Variants in LRRC56 observed in about 807,000 individuals in gnomAD.
LRRC56 encodes the protein leucine-rich repeat-containing protein 56.
Under a neutral mutation model 47.8 loss-of-function variants are expected in LRRC56, and 41 were observed. The ratio of observed to expected loss-of-function variants is 0.86; its 90% CI spans 0.67 to 1.11. The LOEUF (loss-of-function observed/expected upper bound fraction) is 1.11, where lower values mean the gene tolerates loss of function less well. Ranked by LOEUF, LRRC56 falls within the 50% of genes most tolerant of loss-of-function variation. The pLI, the probability that LRRC56 is intolerant of heterozygous loss-of-function variation, is 0.00. For synonymous variants in LRRC56, 387 were observed against 311.2 expected (o/e 1.24, Z -2.56); for missense variants, 759 against 704.2 (o/e 1.08, Z -0.88).
chr11:516,426 A>C, the LRRC56 span, among the ~76,000 whole-genome samples: 1 of 151,832 alleles, frequency 6.6e-6, no homozygotes, highest in Admixed American at 6.6e-5. Context: ...GAAGCCAGGC[A>C]TAGAATGCCC....
the LRRC56 span, among the ~76,000 whole-genome samples, chr11:517,816 C>G: frequency 6.6e-6 from 1 of 152,238 alleles, no homozygotes; most frequent in Non-Finnish European, 1.5e-5. Flanking sequence ...CCGTTTTGTT[C>G]TGTACTAAGA....
upstream of LRRC56, chr11:533,646 G>T (rs45467697): frequency 6.2e-7 from 1 of 1,613,356 alleles, no homozygotes; most frequent in African/African-American, 1.3e-5. Flanking sequence ...GGCTACGGGG[G>T]CTGCAGGCGC....
chr11:551,355 A>G, intron 9 of LRRC56, 53 bp downstream of exon 9: 7 of 1,212,534 alleles, frequency 5.8e-6, no homozygotes, highest in Non-Finnish European at 8.0e-6. Flanking sequence ...TCCCCCCAGG[A>G]AGAGGCCCCC....
upstream of LRRC56, chr11:532,783 G>A (rs1851186265): frequency 1.2e-6 from 2 of 1,609,550 alleles, no homozygotes; most frequent in South Asian, 1.1e-5. Flanking sequence ...GGATCAGGAG[G>A]GACCGGCCTG....
upstream of LRRC56, chr11:533,232 C>G: frequency 6.7e-7 from 1 of 1,491,080 alleles, no homozygotes. Flanking sequence ...AGCCCAGACC[C>G]CGGCCCTCGC....
the LRRC56 span, chr11:532,313 G>A: frequency 2.0e-6 from 1 of 499,576 alleles, no homozygotes. Context: ...TGGGAGGGGA[G>A]CTAAGGGCTG....
chr11:533,434 G>T, upstream of LRRC56: 1 of 1,612,212 alleles, frequency 6.2e-7, no homozygotes. Context: ...GCTAGCTGTG[G>T]GGTGGAGAGC....
chr11:546,721 G>A (rs1297136530), intron 6 of LRRC56, among the ~76,000 whole-genome samples: 5 of 152,204 alleles, frequency 3.3e-5, no homozygotes, highest in Non-Finnish European at 2.9e-5. Context: ...CACCGCGAAC[G>A]AGAAACTAGG....
chr11:517,525 G>A, the LRRC56 span, among the ~76,000 whole-genome samples: 6 of 148,390 alleles, frequency 4.0e-5, no homozygotes, highest in Non-Finnish European at 7.4e-5. Flanking sequence ...GCCTCTGCCC[G>A]ACTGCCCCGT....
rs141233105 is a variant in LRRC56 at position 551,717 on chromosome 11, G to A, written c.863G>A (p.Arg288Gln). 479 of 1,611,098 alleles carry A rather than the reference G, an allele frequency of 3.0e-4. 3 individuals carry two copies. Among genetic ancestry groups the A allele is most frequent in the South Asian group, 2.7e-3 (248 of 90,900 alleles). The change falls in exon 10 of 14, where the codon CGG becomes CAG. Residue 288 changes from arginine to glutamine, a missense_variant. By Grantham distance (43) the Arg-to-Gln change is conservative. Coordinates refer to ENST00000270115, the MANE Select transcript of LRRC56 (RefSeq NM_198075.4). ...PELSLPETQS[R>Q]ASRPWPFSLL... ...CTGTCCCTGCCTGAGACGCAGTCCC[G>A]GGCCTCCAGGCCCTGGCCCTTCTCC... is the stretch of plus-strand genomic sequence containing the variant.
the LRRC56 span, among the ~76,000 whole-genome samples, chr11:531,670 G>GT: frequency 6.6e-6 from 1 of 152,190 alleles, no homozygotes. Flanking sequence ...CAGGAGGCAG[G>GT]GATGGCCAGG....
chr11:520,529 G>T, the LRRC56 span, among the ~76,000 whole-genome samples: 1 of 152,084 alleles, frequency 6.6e-6, no homozygotes, highest in African/African-American at 2.4e-5. Context: ...ATGTTGGCCA[G>T]GCTGGTCTCA....
the LRRC56 span, among the ~76,000 whole-genome samples, chr11:520,849 A>T: frequency 6.6e-6 from 1 of 152,074 alleles, no homozygotes; most frequent in Non-Finnish European, 1.5e-5. Flanking sequence ...TGCGCCTCTG[A>T]ACAATTTGGA....
intron 8 of LRRC56, 66 bp downstream of exon 8, chr11:550,338 C>A (rs546112715): frequency 1.4e-6 from 2 of 1,432,796 alleles, no homozygotes; most frequent in Admixed American, 2.4e-5. Flanking sequence ...GCTCCAGCCC[C>A]GGGGCCCCTC....
upstream of LRRC56, chr11:533,763 C>T (rs771562113): frequency 6.2e-7 from 1 of 1,613,302 alleles, no homozygotes; most frequent in South Asian, 1.1e-5. Flanking sequence ...TCACGGGGTT[C>T]ACCTGTACTG....
chr11:518,216 T>A, the LRRC56 span, among the ~76,000 whole-genome samples: 2 of 151,938 alleles, frequency 1.3e-5, no homozygotes, highest in Admixed American at 1.3e-4. Context: ...GGAGTCTCGC[T>A]CTGTCGCCTA....
At chr11:540,597 C>A in intron 3 of LRRC56, 77 bp from the exon 4 acceptor site, 2 of 1,322,236 alleles carry the variant, frequency 1.5e-6, no homozygotes, top group South Asian at 1.3e-5. Context: ...GGGTTGAGGG[C>A]TGGGCCAGGG....
chr11:551,657 C>T lies in LRRC56; in HGVS notation c.803C>T (p.Pro268Leu). ...KGNGLPPLDC[P>L]RGAPIRRLDP... ...GCTTCTGAACCTCGGGCAGACTGTC[C>T]CCGTGGAGCCCCCATCCGGAGACTT... Residue 268 changes from proline (P) to leucine (L), a missense_variant, in exon 10 of 14, where the codon CCC becomes CTC. Physicochemically the swap from Pro to Leu is moderately conservative, Grantham distance 98. Transcript: ENST00000270115. The T allele has an allele frequency of 1.9e-6, 3 of 1,569,186 alleles. No individual in the cohort carries two copies. Among genetic ancestry groups the T allele is most frequent in the Non-Finnish European group, 2.6e-6 (3 of 1,159,326 alleles).
the LRRC56 span, chr11:506,950 C>A: frequency 2.0e-5 from 3 of 152,270 alleles, no homozygotes; most frequent in African/African-American, 7.2e-5. Flanking sequence ...CCTCGATAGC[C>A]CCGGACCCCT....
Sources: allele counts gnomAD v4.1 joint callset (sites outside exome capture counted in the v4.1 genomes callset), GRCh38; gene constraint gnomAD v4.1.1; transcripts MANE v1.5; gene names NCBI Gene and HGNC (gene_info 2026-07-23, HGNC 2026-07-21).